Variants in KLF15 observed in about 807,000 individuals in gnomAD.
KLF15 encodes the protein Krueppel-like factor 15.
Under a neutral mutation model 24.6 loss-of-function variants are expected in KLF15, and 4 were observed. The ratio of observed to expected loss-of-function variants is 0.16; its 90% CI spans 0.08 to 0.37. KLF15 has a LOEUF of 0.37. KLF15 is among the 10% of genes least tolerant of loss of function. KLF15 has a pLI of 1.00. For synonymous variants in KLF15, 246 were observed against 236.3 expected, an observed-to-expected ratio of 1.04 and a Z score of -0.37; for missense variants, 496 against 560.6, an observed-to-expected ratio of 0.88 and a Z score of 1.16.
chr3:126,346,647 A>G (rs956049015), intron 2 of KLF15, among the ~76,000 whole-genome samples: 5 of 152,124 alleles, frequency 3.3e-5, no homozygotes, highest in Non-Finnish European at 2.9e-5. Flanking sequence ...TCCTCACCTG[A>G]ATTCCCTCCC....
chr3:126,333,329 T>C, the KLF15 span, among the ~76,000 whole-genome samples: 1 of 140,806 alleles, frequency 7.1e-6, no homozygotes, highest in African/African-American at 2.7e-5. Context: ...CTAAGCTTCA[T>C]AAGTGAAGGA....
chr3:126,301,717 C>G, the KLF15 span, among the ~76,000 whole-genome samples: 3 of 150,730 alleles, frequency 2.0e-5, no homozygotes, highest in Non-Finnish European at 4.4e-5. Context: ...GGGGTTCAAG[C>G]AATTCTCCTG....
At chr3:126,353,330 A>G (rs2082603283) in intron 1 of KLF15, among the ~76,000 whole-genome samples, 1 of 152,162 alleles carries the variant, frequency 6.6e-6, no homozygotes, top group Non-Finnish European at 1.5e-5. Context: ...CGTCAACATC[A>G]TAGGAGTCAC....
At chr3:126,298,241 A>G in the KLF15 span, among the ~76,000 whole-genome samples, 10 of 148,160 alleles carry the variant, frequency 6.7e-5, no homozygotes, top group Admixed American at 6.7e-4. Context: ...GGTTGTTTGT[A>G]TATCTTCTTT....
chr3:126,331,464 G>A, the KLF15 span, among the ~76,000 whole-genome samples: 10 of 152,314 alleles, frequency 6.6e-5, no homozygotes, highest in South Asian at 1.2e-3. Flanking sequence ...ACCTGTGAAT[G>A]AACCCTGAGA....
the KLF15 span, among the ~76,000 whole-genome samples, chr3:126,289,995 G>C: frequency 6.6e-6 from 1 of 152,204 alleles, no homozygotes; most frequent in African/African-American, 2.4e-5. Context: ...GGAATGGTCA[G>C]TTATGTGTTC....
intron 2 of KLF15, among the ~76,000 whole-genome samples, chr3:126,349,497 C>G (rs762090358): frequency 2.6e-5 from 4 of 152,218 alleles, no homozygotes; most frequent in Non-Finnish European, 5.9e-5. Flanking sequence ...TCCCCACTCT[C>G]TCATGTACAC....
At chr3:126,308,993 A>T in the KLF15 span, among the ~76,000 whole-genome samples, 1 of 152,140 alleles carries the variant, frequency 6.6e-6, no homozygotes, top group Non-Finnish European at 1.5e-5. Flanking sequence ...GAAAGGGGAG[A>T]GAGAGAAAGG....
At position 126,357,033 on chromosome 3, in the gene KLF15, G is replaced by A. The variant is rs1029364983; in HGVS notation, c.-26+204C>T. Among the ~76,000 whole-genome samples the A allele has an allele frequency of 4.9e-5, 7 of 143,740 alleles. No homozygotes were observed. The South Asian group carries it at 6.3e-4, about 13-fold the overall frequency. 94.3% of individuals were successfully genotyped at this position (143,740 alleles called of 152,430 possible). A position where few individuals can be genotyped will look rare whatever the true frequency, so the allele number is the denominator to read the frequency against. ...CAAAGTGCTGGTGGGCGACCGGGGC[G>A]GGGGGGGTCACCTCCCCCGGGCCAG... On this transcript the variant is annotated intron_variant, in intron 1 of 2. Transcript: ENST00000296233.
downstream of KLF15, among the ~76,000 whole-genome samples, chr3:126,341,598 C>T (rs2082479833): frequency 6.6e-6 from 1 of 152,154 alleles, no homozygotes; most frequent in Non-Finnish European, 1.5e-5. Flanking sequence ...CATGGCCAGT[C>T]AGGATAGGAT....
the KLF15 span, among the ~76,000 whole-genome samples, chr3:126,332,269 C>T: frequency 6.7e-6 from 1 of 148,950 alleles, no homozygotes; most frequent in South Asian, 2.3e-4. Flanking sequence ...GACCCCTGAC[C>T]CCCGAGCAGC....
the KLF15 span, among the ~76,000 whole-genome samples, chr3:126,318,346 G>C: frequency 6.6e-6 from 1 of 152,198 alleles, no homozygotes; most frequent in Non-Finnish European, 1.5e-5. Context: ...GGATTAGCCT[G>C]GGGGTAGGAG....
At chr3:126,313,243 A>C in the KLF15 span, among the ~76,000 whole-genome samples, 1 of 152,192 alleles carries the variant, frequency 6.6e-6, no homozygotes, top group Non-Finnish European at 1.5e-5. Context: ...TGCACGGCAG[A>C]GAGAGACAGG....
chr3:126,315,005 C>T, the KLF15 span, among the ~76,000 whole-genome samples: 6 of 152,264 alleles, frequency 3.9e-5, no homozygotes, highest in Non-Finnish European at 1.5e-5. Flanking sequence ...GATGAAACTG[C>T]GGCCAGGGAT....
At chr3:126,320,535 CAT>C in the KLF15 span, among the ~76,000 whole-genome samples, 7 of 152,282 alleles carry the variant, frequency 4.6e-5, no homozygotes, top group African/African-American at 1.2e-4. Flanking sequence ...TTCCTGTGCA[CAT>C]GTGTTTGAGT....
At chr3:126,308,862 G>A in the KLF15 span, among the ~76,000 whole-genome samples, 1 of 152,220 alleles carries the variant, frequency 6.6e-6, no homozygotes, top group East Asian at 1.9e-4. Flanking sequence ...CCTCACGGCA[G>A]GACAGCTCGG....
intron 2 of KLF15, among the ~76,000 whole-genome samples, chr3:126,346,847 T>A (rs2082539087): frequency 6.6e-6 from 1 of 152,150 alleles, no homozygotes; most frequent in South Asian, 2.1e-4. Flanking sequence ...GCTCTGCCAC[T>A]TACCAACCAG....
At chr3:126,303,046 G>A in the KLF15 span, among the ~76,000 whole-genome samples, 3 of 151,858 alleles carry the variant, frequency 2.0e-5, no homozygotes. Flanking sequence ...TTATTTTAAT[G>A]GTTGCTTTAG....
chr3:126,328,080 C>G, the KLF15 span, among the ~76,000 whole-genome samples: 1,427 of 146,540 alleles, frequency 9.7e-3, 78 homozygotes, highest in Admixed American at 0.079. Context: ...ACCTTGCCCC[C>G]CTCTTACTCT....
Sources: allele counts gnomAD v4.1 joint callset (sites outside exome capture counted in the v4.1 genomes callset), GRCh38; gene constraint gnomAD v4.1.1; transcripts MANE v1.5; gene names NCBI Gene and HGNC (gene_info 2026-07-23, HGNC 2026-07-21).